Variants in NECAP1 observed in about 807,000 individuals in gnomAD.
NECAP1 encodes the protein NECAP endocytosis associated 1.
A neutral mutation model predicts 33.4 loss-of-function variants in NECAP1; 13 were observed. The observed-to-expected ratio is 0.39, with a 90% CI of 0.25 to 0.62. The LOEUF (loss-of-function observed/expected upper bound fraction) is 0.62, where lower values mean the gene tolerates loss of function less well. Among genes scored for constraint, NECAP1 ranks in the 20% least tolerant of loss-of-function variants. The pLI is 0.52. For missense variants in NECAP1, 272 were observed against 347.4 expected (o/e 0.78, Z 1.73); for synonymous variants, 109 against 125.2 (o/e 0.87, Z 0.86).
intron 1 of NECAP1, 57 bp from the exon 2 acceptor site, chr12:8,089,879 G>A (rs1947526566): frequency 8.1e-7 from 1 of 1,235,132 alleles, no homozygotes; most frequent in South Asian, 1.2e-5. Flanking sequence ...AAAGATTGTG[G>A]GTGGGCGTTA....
chr12:8,092,883 C>G lies in NECAP1; in HGVS notation c.504C>G (p.Asn168Lys). The change falls in exon 6 of 8, where the codon AAC becomes AAG. Residue 168 changes from asparagine (N) to lysine (K), a missense_variant. Transcript: ENST00000339754. ...TIKLCIGNIT[N>K]KKGGASKPRT... ...TTTTTCTTTTGTAGAACATTACAAA[C>G]AAGAAAGGAGGTGCTTCTAAGCCCA... is the stretch of plus-strand genomic sequence containing the variant. 1 of 1,572,758 alleles carries G rather than the reference C, an allele frequency of 6.4e-7. No individual in the cohort carries two copies. Among genetic ancestry groups the G allele is most frequent in the South Asian group, 1.2e-5 (1 of 84,990 alleles).
At chr12:8,093,409 T>C (rs74509084) in intron 6 of NECAP1, 3,382 of 229,388 alleles carry the variant, frequency 0.015, 117 homozygotes, top group African/African-American at 0.075. Context: ...TGAGTTTCAA[T>C]TGCCTTATCT....
At chr12:8,083,421 CTTTTTTTTTTTTTT>C (rs71042328) in intron 1 of NECAP1, among the ~76,000 whole-genome samples, 4 of 65,844 alleles carry the variant, frequency 6.1e-5, no homozygotes, top group African/African-American at 1.9e-4. Context: ...TTTGTTTGTT[CTTTTTTTTTTTTTT>C]TTTTTTTTTT....
chr12:8,091,770 G>C lies in NECAP1; in HGVS notation c.303G>C (p.Gly101=), dbSNP rs1237871016. The C allele has an allele frequency of 1.2e-6, 2 of 1,613,942 alleles. No individual in the cohort carries two copies. The part of the protein sequence containing the change: ...YFVIRIQDGT[G]RSAFIGIGFT... ...CGAGTCTTCCTACGTTTTCCACAGG[G>C]CGCAGTGCTTTCATTGGCATTGGCT... Residue 101 remains glycine, a splice_region_variant and synonymous_variant, in exon 4 of 8, where the codon GGG becomes GGC. Coordinates refer to ENST00000339754, the MANE Select transcript of NECAP1 (RefSeq NM_015509.4).
rs1381442650 is a variant in NECAP1 at position 8,091,870 on chromosome 12, A to G, written c.383+20A>G. 1.9e-6 allele frequency: 3 copies of G among 1,602,160 alleles called. No homozygotes were observed. The highest frequency in any genetic ancestry group is 2.2e-5 in the East Asian group (1 of 44,822). On this transcript the variant is annotated intron_variant, in intron 4 of 7. Transcript: ENST00000339754. ...CTTCAAGTGAGTGAAGCTTGTCCTTAGTTACGAGGCTGAATGCTTATAGGA... is the reference window on the plus strand; with the variant it reads ...CTTCAAGTGAGTGAAGCTTGTCCTTGGTTACGAGGCTGAATGCTTATAGGA...
At chr12:8,090,801 CAA>C (rs746163839) in intron 3 of NECAP1, 42 of 129,100 alleles carry the variant, frequency 3.3e-4, no homozygotes, top group Middle Eastern at 3.6e-3. Flanking sequence ...AACTCCATCT[CAA>C]AAAAAAAAAA....
Position 8,085,701 on chromosome 12 carries a change from T to C in NECAP1, c.95+3318T>C, listed in dbSNP as rs938566981. Among the ~76,000 whole-genome samples the C allele has an allele frequency of 1.6e-3, 222 of 140,872 alleles. 2 individuals carry two copies. Among genetic ancestry groups the C allele is most frequent in the Non-Finnish European group, 2.4e-3 (155 of 65,116 alleles). 92.4% of individuals were successfully genotyped at this position (140,872 alleles called of 152,430 possible). ...ACTTAATCTTCTTTTTTTTTTTTTT[T>C]TTTTTTTTTTTTTTGTTGTTGAGAC... On this transcript the variant is annotated intron_variant, in intron 1 of 7. Coordinates refer to ENST00000339754, the MANE Select transcript of NECAP1 (RefSeq NM_015509.4).
intron 1 of NECAP1, among the ~76,000 whole-genome samples, chr12:8,087,522 AT>A (rs34100112): frequency 0.012 from 1,656 of 137,292 alleles, 19 homozygotes; most frequent in African/African-American, 0.031. Context: ...CTTGTTCCTA[AT>A]TTTTTTTTTT....
At chr12:8,083,729 G>GTGTTTTT in intron 1 of NECAP1, among the ~76,000 whole-genome samples, 3 of 91,186 alleles carry the variant, frequency 3.3e-5, no homozygotes, top group South Asian at 4.0e-4. Context: ...CCCAGCCGTC[G>GTGTTTTT]TTTTTTTTTT....
Position 8,090,343 on chromosome 12 carries a change from G to A in NECAP1, c.301+44G>A, listed in dbSNP as rs1195409462. The A allele has an allele frequency of 2.0e-6, 3 of 1,497,574 alleles. No homozygotes were observed. In the East Asian group the frequency reaches 6.8e-5, roughly 34 times the overall value. 92.8% of individuals were successfully genotyped at this position (1,497,574 alleles called of 1,614,324 possible). On this transcript the variant is annotated intron_variant, in intron 3 of 7. Transcript: ENST00000339754. ...TGAGTGGAACGAAGTTAGGAAAACA[G>A]GTGAATGCACAGCCATGAAAAGTGT...
Position 8,082,340 on chromosome 12 carries a change from A to G in NECAP1, c.52A>G (p.Ser18Gly), listed in dbSNP as rs1947447130. Residue 18 changes from serine to glycine, a missense_variant, in exon 1 of 8, where the codon AGC becomes GGC. Coordinates refer to ENST00000339754, the MANE Select transcript of NECAP1 (RefSeq NM_015509.4). ...ESVLCVKPDV[S>G]VYRIPPRASN... ...TGTGCTGTGTGTGAAGCCAGACGTCAGCGTCTACCGGATTCCGCCCCGGGC... is the reference window on the plus strand; with the variant it reads ...TGTGCTGTGTGTGAAGCCAGACGTCGGCGTCTACCGGATTCCGCCCCGGGC... 1 of 1,613,758 alleles carries G rather than the reference A, an allele frequency of 6.2e-7. No individual in the cohort carries two copies. Among genetic ancestry groups the G allele is most frequent in the South Asian group, 1.1e-5 (1 of 91,074 alleles).
At chr12:8,084,156 C>T (rs921313555) in intron 1 of NECAP1, among the ~76,000 whole-genome samples, 3 of 151,980 alleles carry the variant, frequency 2.0e-5, no homozygotes, top group Admixed American at 1.3e-4. Flanking sequence ...GTTATTTTGC[C>T]CCTTACTGGC....
Position 8,089,945 on chromosome 12 carries a change from C to T in NECAP1, c.105C>T (p.Asp35=), listed in dbSNP as rs1240066315. 3 of 1,614,050 alleles carry T rather than the reference C, an allele frequency of 1.9e-6. No individual in the cohort carries two copies. The highest frequency in any genetic ancestry group is 1.7e-6 in the Non-Finnish European group (2 of 1,179,922). ...RASNRGYRAS[D]WKLDQPDWTG... is the part of the protein sequence containing the mutation. ...TCTTTTCCTGTCCTAGGGCCTCTGA[C>T]TGGAAATTAGACCAGCCTGATTGGA... is the stretch of plus-strand genomic sequence containing the variant. Residue 35 remains aspartate (D), a synonymous_variant, in exon 2 of 8, where the codon GAC becomes GAT. Coordinates refer to ENST00000339754, the MANE Select transcript of NECAP1 (RefSeq NM_015509.4).
At chr12:8,089,821 T>C in intron 1 of NECAP1, 115 bp from the exon 2 acceptor site, 1 of 765,426 alleles carries the variant, frequency 1.3e-6, no homozygotes, top group South Asian at 1.5e-5. Flanking sequence ...TGTTGATTAA[T>C]AGGTAGAAAG....
chr12:8,092,781 C>T lies in NECAP1; in HGVS notation c.489C>T (p.Ile163=), dbSNP rs773465096. 8.1e-5 allele frequency: 130 copies of T among 1,611,468 alleles called. No individual in the cohort carries two copies. Among genetic ancestry groups the T allele is most frequent in the East Asian group, 3.3e-4 (15 of 44,822 alleles). The change falls in exon 5 of 8, where the codon ATC becomes ATT. Residue 163 remains isoleucine (I), a synonymous_variant. Transcript: ENST00000339754. ...AAGGACAAACCATCAAGTTGTGTAT[C>T]GGGGTGAGTATGGTTTTTAAAAATT... is the stretch of plus-strand genomic sequence containing the variant. ...FKEGQTIKLC[I]GNITNKKGGA...
intron 1 of NECAP1, among the ~76,000 whole-genome samples, chr12:8,084,711 G>A (rs1004846484): frequency 6.6e-6 from 1 of 152,076 alleles, no homozygotes; most frequent in Non-Finnish European, 1.5e-5. Context: ...ATTTTGTATT[G>A]TAATGGATTA....
intron 1 of NECAP1, among the ~76,000 whole-genome samples, chr12:8,084,837 T>A (rs189083827): frequency 6.6e-6 from 1 of 152,130 alleles, no homozygotes; most frequent in Non-Finnish European, 1.5e-5. Context: ...CTGGTACACT[T>A]TGGGCACCCT....
At chr12:8,095,021 C>G (rs1335647189) in intron 6 of NECAP1, among the ~76,000 whole-genome samples, 1 of 152,172 alleles carries the variant, frequency 6.6e-6, no homozygotes, top group Non-Finnish European at 1.5e-5. Context: ...TTTTCCCACT[C>G]AGCATAATTC....
At chr12:8,088,520 T>C (rs912546799) in intron 1 of NECAP1, among the ~76,000 whole-genome samples, 3 of 152,354 alleles carry the variant, frequency 2.0e-5, no homozygotes, top group Admixed American at 2.0e-4. Flanking sequence ...CCACTTCTGC[T>C]ACCATTGTGA....
Sources: allele counts gnomAD v4.1 joint callset (sites outside exome capture counted in the v4.1 genomes callset), GRCh38; gene constraint gnomAD v4.1.1; transcripts MANE v1.5; gene names NCBI Gene and HGNC (gene_info 2026-07-23, HGNC 2026-07-21).